The following FBXL22 variants were observed in gnomAD, a reference collection of about 807,000 sequenced individuals.
FBXL22 encodes the protein F-box and leucine-rich protein 22.
In FBXL22, 13 loss-of-function variants were observed where a neutral mutation model predicts 11.7. The observed-to-expected ratio is 1.11, with a 90% CI of 0.73 to 1.77. FBXL22 has a LOEUF of 1.77. Ranked by LOEUF, FBXL22 falls within the 40% of genes most tolerant of loss-of-function variation. FBXL22 has a pLI of 0.00. For missense variants in FBXL22, 406 were observed against 320.4 expected (o/e 1.27, Z -2.04); for synonymous variants, 160 against 144.1 (o/e 1.11, Z -0.79).
intron 1 of FBXL22, chr15:63,599,271 G>C (rs1236463570): frequency 6.6e-7 from 1 of 1,518,916 alleles, no homozygotes; most frequent in African/African-American, 1.4e-5. Flanking sequence ...GAGGATGGCT[G>C]GGCAGGGGGA....
downstream of FBXL22, among the ~76,000 whole-genome samples, chr15:63,604,813 G>C (rs62012784): frequency 6.6e-6 from 1 of 152,184 alleles, no homozygotes; most frequent in Non-Finnish European, 1.5e-5. Flanking sequence ...CTAGCACTTT[G>C]GGAGGCCAAG....
Position 63,597,802 on chromosome 15 carries a change from G to C in FBXL22, c.353+57G>C, listed in dbSNP as rs1258880634. 5 of 1,481,524 alleles carry C rather than the reference G, an allele frequency of 3.4e-6. No homozygotes were observed. The highest frequency in any genetic ancestry group is 4.5e-6 in the Non-Finnish European group (5 of 1,107,300). 91.8% of individuals were successfully genotyped at this position (1,481,524 alleles called of 1,614,324 possible). A position where few individuals can be genotyped will look rare whatever the true frequency, so the allele number is the denominator to read the frequency against. Reference sequence around the variant, plus strand: ...CCCCGCTAGCTCTGGCTTCCCTCTTGGGGGGCAGGGAAGAGCAAATTACGA... The same window carrying C: ...CCCCGCTAGCTCTGGCTTCCCTCTTCGGGGGCAGGGAAGAGCAAATTACGA... On this transcript the variant is annotated intron_variant, in intron 1 of 1. Transcript: ENST00000638704. The surrounding 1 kb of genome is among the most constrained non-coding windows in gnomAD (Gnocchi z 4.3).
chr15:63,601,179 C>G lies in FBXL22; in HGVS notation c.*140C>G. The stretch of plus-strand genomic sequence containing the variant: ...GTCTGCACAGTGGGGATAAGAAAGC[C>G]TACCTCACGTTACGATTTTATACAT... On this transcript the variant is annotated 3_prime_UTR_variant, in exon 2 of 2. Coordinates refer to ENST00000638704, the MANE Select transcript of FBXL22 (RefSeq NM_001367807.1). 6.9e-7 allele frequency: 1 copy of G among 1,457,290 alleles called. No homozygotes were observed. The highest frequency in any genetic ancestry group is 1.4e-5 in the South Asian group (1 of 70,714). 90.3% of individuals were successfully genotyped at this position (1,457,290 alleles called of 1,614,324 possible).
Position 63,597,848 on chromosome 15 carries a change from C to A in FBXL22, c.353+103C>A, listed in dbSNP as rs546801032. ...TACGAGACCAAGATGGCTCCACCTTCGGGGCGCCTCAAACTAGGCCCAAGG... is the reference window on the plus strand; with the variant it reads ...TACGAGACCAAGATGGCTCCACCTTAGGGGCGCCTCAAACTAGGCCCAAGG... On this transcript the variant is annotated intron_variant, in intron 1 of 1. Coordinates refer to ENST00000638704, the MANE Select transcript of FBXL22 (RefSeq NM_001367807.1). The surrounding 1 kb of genome is among the most constrained non-coding windows in gnomAD (Gnocchi z 4.3). 24 of 1,140,760 alleles carry A rather than the reference C, an allele frequency of 2.1e-5. No homozygotes were observed. Among genetic ancestry groups the A allele is most frequent in the Admixed American group, 1.1e-4 (4 of 36,460 alleles). 70.7% of individuals were successfully genotyped at this position (1,140,760 alleles called of 1,614,324 possible).
Position 63,600,879 on chromosome 15 carries a change from T to A in FBXL22, c.536T>A (p.Val179Glu), listed in dbSNP as rs1338918964. Residue 179 changes from valine (V) to glutamate (E), a missense_variant, in exon 2 of 2, where the codon GTG (valine) becomes GAG (glutamate). Coordinates refer to ENST00000638704, the MANE Select transcript of FBXL22 (RefSeq NM_001367807.1). ...ADGRALQTLH[V>E]DFCRNVSAAG... ...GGGCGCGCGCTGCAGACATTGCACG[T>A]GGACTTCTGCCGCAACGTGAGCGCG... The A allele has an allele frequency of 2.4e-6, 3 of 1,226,768 alleles. No homozygotes were observed. Among genetic ancestry groups the A allele is most frequent in the Non-Finnish European group, 1.0e-6 (1 of 984,560 alleles). 76.0% of individuals were successfully genotyped at this position (1,226,768 alleles called of 1,614,324 possible).
chr15:63,601,036 C>G lies in FBXL22; in HGVS notation c.693C>G (p.Arg231=). Residue 231 remains arginine, a synonymous_variant, in exon 2 of 2, where the codon CGC becomes CGG. Transcript: ENST00000638704. Reference sequence around the variant, plus strand: ...CGGCCCTCGGCAAGCTGCTGCAGCGCTAGACGCCGCCCCGCCGCTGCCCCC... The same window carrying G: ...CGGCCCTCGGCAAGCTGCTGCAGCGGTAGACGCCGCCCCGCCGCTGCCCCC... ...PAAALGKLLQ[R] 1 of 1,222,704 alleles carries G rather than the reference C, an allele frequency of 8.2e-7. No individual in the cohort carries two copies. Among genetic ancestry groups the G allele is most frequent in the Non-Finnish European group, 1.0e-6 (1 of 982,304 alleles). The allele number at this position is 1,222,704 out of a possible 1,614,324, so 75.7% of individuals were successfully genotyped here.
In FBXL22 at chr15:63,597,826, G is replaced by GAGACCA. The variant is rs1334467034; in HGVS notation, c.353+85_353+90dup. On this transcript the variant is annotated intron_variant, in intron 1 of 1. Coordinates refer to ENST00000638704, the MANE Select transcript of FBXL22 (RefSeq NM_001367807.1). The surrounding 1 kb of genome is among the most constrained non-coding windows in gnomAD (Gnocchi z 4.3). ...TGGGGGGCAGGGAAGAGCAAATTAC[G>GAGACCA]AGACCAAGATGGCTCCACCTTCGGG... is the stretch of plus-strand genomic sequence containing the variant. 2 of 1,358,112 alleles carry GAGACCA rather than the reference G, an allele frequency of 1.5e-6. No homozygotes were observed. Among genetic ancestry groups the GAGACCA allele is most frequent in the African/African-American group, 2.9e-5 (2 of 68,604 alleles). 84.1% of individuals were successfully genotyped at this position (1,358,112 alleles called of 1,614,324 possible). A position where few individuals can be genotyped will look rare whatever the true frequency, so the allele number is the denominator to read the frequency against.
At chr15:63,605,086 AG>A (rs1307619696), downstream of FBXL22, among the ~76,000 whole-genome samples, 9 of 152,162 alleles carry the variant, frequency 5.9e-5, no homozygotes, top group Non-Finnish European at 1.2e-4. Flanking sequence ...AAAAAACAAA[AG>A]AAAAATCCTT....
downstream of FBXL22, among the ~76,000 whole-genome samples, chr15:63,605,973 G>A (rs1463094661): frequency 6.6e-6 from 1 of 152,220 alleles, no homozygotes; most frequent in East Asian, 1.9e-4. Context: ...CTAGCAGGAG[G>A]TGGTGCTCTG....
chr15:63,607,759 T>A, the FBXL22 span, among the ~76,000 whole-genome samples: 1 of 152,224 alleles, frequency 6.6e-6, no homozygotes, highest in South Asian at 2.1e-4. Flanking sequence ...GTCCGCGAAG[T>A]ACAGTGGAAG....
At chr15:63,599,880 C>A (rs938398370) in intron 1 of FBXL22, 89 of 985,636 alleles carry the variant, frequency 9.0e-5, no homozygotes, top group Non-Finnish European at 1.1e-4. Flanking sequence ...CTCCTCACAA[C>A]CCCAGTGGTA....
At chr15:63,605,489 G>C (rs1339781700), downstream of FBXL22, among the ~76,000 whole-genome samples, 1 of 152,232 alleles carries the variant, frequency 6.6e-6, no homozygotes, top group African/African-American at 2.4e-5. Context: ...GGGTAAGCCA[G>C]GCACCCTTTG....
In FBXL22 at chr15:63,597,705, G is replaced by A. The variant is rs572640425; in HGVS notation, c.313G>A (p.Glu105Lys). The A allele has an allele frequency of 1.4e-5, 23 of 1,597,268 alleles. No individual in the cohort carries two copies. Among genetic ancestry groups the A allele is most frequent in the Admixed American group, 3.3e-5 (2 of 59,754 alleles). The part of the protein sequence containing the change: ...AFQRSICSRH[E>K]SLVNDFLLRV... ...CCAGAGAAGCATCTGCAGCCGGCAC[G>A]AGAGCCTGGTCAATGATTTCCTCCT... The change falls in exon 1 of 2, where the codon GAG (glutamate) becomes AAG (lysine). Residue 105 changes from glutamate to lysine, a missense_variant. Transcript: ENST00000638704. The surrounding 1 kb of genome is among the most constrained non-coding windows in gnomAD (Gnocchi z 4.3).
In FBXL22 at chr15:63,600,923, C is replaced by T; in HGVS notation, c.580C>T (p.Arg194Cys). 1 of 1,211,744 alleles carries T rather than the reference C, an allele frequency of 8.3e-7. No individual in the cohort carries two copies. The highest frequency in any genetic ancestry group is 1.0e-6 in the Non-Finnish European group (1 of 975,112). 75.1% of individuals were successfully genotyped at this position (1,211,744 alleles called of 1,614,324 possible). ...NVSAAGLRRL[R>C]AACPRLALRA... Reference sequence around the variant, plus strand: ...GAGCGCGGCCGGCCTGCGCCGCCTGCGCGCCGCGTGCCCGCGCCTGGCCCT... The same window carrying T: ...GAGCGCGGCCGGCCTGCGCCGCCTGTGCGCCGCGTGCCCGCGCCTGGCCCT... The change falls in exon 2 of 2, where the codon CGC (arginine) becomes TGC (cysteine). Residue 194 changes from arginine to cysteine, a missense_variant. Physicochemically the swap from Arg to Cys is radical, Grantham distance 180. Coordinates refer to ENST00000638704, the MANE Select transcript of FBXL22 (RefSeq NM_001367807.1).
downstream of FBXL22, among the ~76,000 whole-genome samples, chr15:63,604,192 C>T (rs2152689305): frequency 6.6e-6 from 1 of 152,282 alleles, no homozygotes; most frequent in Admixed American, 6.5e-5. Context: ...CTCTCCAAAC[C>T]TGTTTTCTTA....
At chr15:63,599,128 T>C (rs908999657) in intron 1 of FBXL22, 1 of 1,342,758 alleles carries the variant, frequency 7.4e-7, no homozygotes, top group African/African-American at 1.4e-5. Flanking sequence ...TTCTATAAAA[T>C]GTGCTAAATT....
downstream of FBXL22, chr15:63,601,426 G>C: frequency 1.3e-6 from 2 of 1,587,250 alleles, no homozygotes; most frequent in East Asian, 2.3e-5. Context: ...CTTGCGCTCG[G>C]GGGTGACGGG....
At chr15:63,598,871 G>A (rs116578967) in intron 1 of FBXL22, among the ~76,000 whole-genome samples, 8 of 152,298 alleles carry the variant, frequency 5.3e-5, no homozygotes, top group African/African-American at 1.9e-4. Context: ...GTGGGGGTTG[G>A]GGGGAGGCGA....
chr15:63,598,431 C>T (rs2067307780), intron 1 of FBXL22, among the ~76,000 whole-genome samples: 3 of 152,238 alleles, frequency 2.0e-5, no homozygotes, highest in South Asian at 2.1e-4. Flanking sequence ...CCAAATACAT[C>T]TTGTGTTTAT....
Sources: gnomAD v4.1 joint callset for allele counts (sites outside exome capture counted in the v4.1 genomes callset) on GRCh38, gnomAD v4.1.1 for gene constraint, Gnocchi (gnomAD v3.1) non-coding constraint, MANE v1.5 for transcripts, NCBI Gene and HGNC (gene_info 2026-07-23, HGNC 2026-07-21) for gene names.